Variants in GRIK1 observed in about 807,000 individuals in gnomAD.
The protein encoded by GRIK1 is glutamate ionotropic receptor kainate type subunit 1.
Under a neutral mutation model 105.7 loss-of-function variants are expected in GRIK1, and 69 were observed. The observed-to-expected ratio is 0.65, with a 90% CI of 0.54 to 0.80. The LOEUF is 0.80. Ranked by LOEUF, GRIK1 falls within the 30% of genes least tolerant of loss-of-function variation. The pLI, the probability that GRIK1 is intolerant of heterozygous loss-of-function variation, is 0.00. For missense variants in GRIK1, 1,109 were observed against 1,167.3 expected (o/e 0.95, Z 0.73); for synonymous variants, 438 against 431.3 (o/e 1.02, Z -0.19).
chr21:29,837,499 A>C (rs1368195698), intron 1 of GRIK1, among the ~76,000 whole-genome samples: 1 of 152,174 alleles, frequency 6.6e-6, no homozygotes, highest in Non-Finnish European at 1.5e-5. Flanking sequence ...CTATGAGAGC[A>C]CTGAGAAACT....
At chr21:29,569,886 T>G (rs2090699926) in intron 14 of GRIK1, among the ~76,000 whole-genome samples, 1 of 152,098 alleles carries the variant, frequency 6.6e-6, no homozygotes, top group East Asian at 1.9e-4. Flanking sequence ...AAAGGAAAAG[T>G]TGGAATTGGC....
At chr21:29,620,802 T>TATAGATATATATATATAG (rs2061977065) in intron 7 of GRIK1, among the ~76,000 whole-genome samples, 1 of 127,424 alleles carries the variant, frequency 7.8e-6, no homozygotes, top group Non-Finnish European at 1.6e-5. Context: ...TCTATATATA[T>TATAGATATATATATATAG]ATAGATATAT....
intron 1 of GRIK1, among the ~76,000 whole-genome samples, chr21:29,784,743 T>A (rs936610512): frequency 3.3e-5 from 5 of 152,338 alleles, no homozygotes; most frequent in Admixed American, 1.3e-4. Context: ...TAATAATGCC[T>A]TAAATGTTTG....
chr21:29,575,704 C>T (rs1248368523), intron 14 of GRIK1, among the ~76,000 whole-genome samples: 2 of 152,038 alleles, frequency 1.3e-5, no homozygotes, highest in African/African-American at 4.8e-5. Context: ...TGGTGGCAGG[C>T]ACCTGTCGTC....
In GRIK1 at chr21:29,831,601, T is replaced by C. The variant is rs140942966; in HGVS notation, c.118+107782A>G. On this transcript the variant is annotated intron_variant, in intron 1 of 17. Coordinates refer to ENST00000327783, the MANE Select transcript of GRIK1 (RefSeq NM_001330994.2). Reference sequence around the variant, plus strand: ...AGAAGGAGGAGAGTGAAGGGGGAGGTGCTACACACTTTTAAACAACCAGAT... The same window carrying C: ...AGAAGGAGGAGAGTGAAGGGGGAGGCGCTACACACTTTTAAACAACCAGAT... Among the ~76,000 whole-genome samples the C allele has an allele frequency of 4.9e-3, 736 of 150,168 alleles. 5 individuals carry two copies. Among genetic ancestry groups the C allele is most frequent in the African/African-American group, 0.017 (682 of 40,724 alleles).
intron 1 of GRIK1, among the ~76,000 whole-genome samples, chr21:29,832,455 C>G (rs1270527300): frequency 2.0e-5 from 3 of 152,184 alleles, no homozygotes; most frequent in African/African-American, 7.2e-5. Context: ...GCCTAGACAT[C>G]CAGGCATTTC....
chr21:29,884,454 C>T (rs1027395447), intron 1 of GRIK1, among the ~76,000 whole-genome samples: 8 of 151,860 alleles, frequency 5.3e-5, no homozygotes, highest in Non-Finnish European at 1.0e-4. Context: ...CCCTCTACTC[C>T]CACCCCCGAC....
intron 16 of GRIK1, among the ~76,000 whole-genome samples, chr21:29,538,691 G>T (rs552121040): frequency 6.6e-6 from 1 of 152,232 alleles, no homozygotes; most frequent in East Asian, 1.9e-4. Flanking sequence ...AAATGACAGT[G>T]TGCCACCAGG....
At chr21:29,819,050 A>G (rs2067229577) in intron 1 of GRIK1, among the ~76,000 whole-genome samples, 1 of 152,134 alleles carries the variant, frequency 6.6e-6, no homozygotes, top group Non-Finnish European at 1.5e-5. Flanking sequence ...AGGTGGCCCC[A>G]GAGAGTAATT....
chr21:29,682,248 A>C (rs1181433913), intron 3 of GRIK1, among the ~76,000 whole-genome samples: 1 of 152,254 alleles, frequency 6.6e-6, no homozygotes, highest in Non-Finnish European at 1.5e-5. Flanking sequence ...CTCAGTGTTC[A>C]GTAGCCATTA....
chr21:29,737,024 A>G (rs556644504), intron 1 of GRIK1, among the ~76,000 whole-genome samples: 1 of 152,336 alleles, frequency 6.6e-6, no homozygotes, highest in South Asian at 2.1e-4. Context: ...TCACTTAAGA[A>G]AATGTGAGTT....
chr21:29,668,719 A>G (rs866521147), intron 4 of GRIK1, among the ~76,000 whole-genome samples: 1 of 152,234 alleles, frequency 6.6e-6, no homozygotes, highest in Non-Finnish European at 1.5e-5. Flanking sequence ...TGAGAATTCC[A>G]TAGGTAGAGC....
intron 1 of GRIK1, among the ~76,000 whole-genome samples, chr21:29,801,590 T>G (rs2066712420): frequency 6.6e-6 from 1 of 152,142 alleles, no homozygotes; most frequent in African/African-American, 2.4e-5. Flanking sequence ...TAAAAAAAGA[T>G]TCAGCATGTT....
chr21:29,592,249 C>T (rs2061344147), intron 9 of GRIK1, among the ~76,000 whole-genome samples: 1 of 152,132 alleles, frequency 6.6e-6, no homozygotes, highest in African/African-American at 2.4e-5. Context: ...ATCTGTTTAC[C>T]TGTCTTGTCT....
chr21:29,791,513 G>A (rs969979864), intron 1 of GRIK1, among the ~76,000 whole-genome samples: 1 of 152,044 alleles, frequency 6.6e-6, no homozygotes, highest in Non-Finnish European at 1.5e-5. Context: ...GGGAAGTGGG[G>A]GGGGAATTTA....
rs974939953 is a variant in GRIK1 at position 29,797,788 on chromosome 21, C to T, written c.119-103725G>A. On this transcript the variant is annotated intron_variant, in intron 1 of 17. Transcript: ENST00000327783. ...TTGTCATTTTTCTTTAACAATGTCC[C>T]GCCTAGATTTCTTTTATCAAAAAAG... 2.6e-5 allele frequency among the ~76,000 whole-genome samples: 4 copies of T among 152,092 alleles called. No homozygotes were observed. The South Asian group carries it at 6.2e-4, about 24-fold the overall frequency.
chr21:29,813,389 C>G (rs1180446210), intron 1 of GRIK1, among the ~76,000 whole-genome samples: 1 of 152,070 alleles, frequency 6.6e-6, no homozygotes, highest in African/African-American at 2.4e-5. Flanking sequence ...TAAATTACCA[C>G]CTAATTAGAT....
intron 7 of GRIK1, among the ~76,000 whole-genome samples, chr21:29,613,089 A>G (rs2061765960): frequency 6.6e-6 from 1 of 152,174 alleles, no homozygotes; most frequent in Non-Finnish European, 1.5e-5. Flanking sequence ...GTCTTTATCT[A>G]GTCGTTGTGA....
chr21:29,732,170 A>G (rs16984859), intron 1 of GRIK1, among the ~76,000 whole-genome samples: 3,961 of 152,296 alleles, frequency 0.026, 136 homozygotes, highest in East Asian at 0.1. Flanking sequence ...AAAGTATCCC[A>G]GTTTGCCTGA....
Sources: allele counts gnomAD v4.1 joint callset (sites outside exome capture counted in the v4.1 genomes callset), GRCh38; gene constraint gnomAD v4.1.1; transcripts MANE v1.5; gene names NCBI Gene and HGNC (gene_info 2026-07-23, HGNC 2026-07-21).